Variants in ZNF85 observed in about 807,000 individuals in gnomAD.
The protein encoded by ZNF85 is zinc finger protein 85, also known as zinc finger protein 85 (HPF4, HTF1).
ZNF85 carries 50 observed loss-of-function variants against 53.9 expected under a neutral mutation model. The ratio of observed to expected loss-of-function variants is 0.93; its 90% CI spans 0.74 to 1.17. The LOEUF is 1.17. ZNF85 is among the 50% of genes most tolerant of loss of function. ZNF85 has a pLI of 0.00. For synonymous variants in ZNF85, 225 were observed against 226.1 expected (o/e 1.00, Z 0.04); for missense variants, 747 against 688.5 (o/e 1.08, Z -0.95).
At chr19:20,937,591 G>A (rs987588500) in intron 3 of ZNF85, among the ~76,000 whole-genome samples, 1 of 152,152 alleles carries the variant, frequency 6.6e-6, no homozygotes, top group African/African-American at 2.4e-5. Flanking sequence ...TTCTGCAGTC[G>A]AGTCTGCTAA....
chr19:20,937,796 T>C (rs1568550251), intron 3 of ZNF85, among the ~76,000 whole-genome samples: 1 of 152,166 alleles, frequency 6.6e-6, no homozygotes, highest in African/African-American at 2.4e-5. Flanking sequence ...TCTGCATGTC[T>C]ATAAATTGAT....
chr19:20,943,701 A>G (rs1008926957), intron 3 of ZNF85: 1 of 152,188 alleles, frequency 6.6e-6, no homozygotes, highest in Non-Finnish European at 1.5e-5. Flanking sequence ...CTTGATGTCT[A>G]CAATTATTAT....
At chr19:20,930,893 C>G (rs1973001191) in intron 1 of ZNF85, among the ~76,000 whole-genome samples, 2 of 152,324 alleles carry the variant, frequency 1.3e-5, no homozygotes, top group South Asian at 4.1e-4. Flanking sequence ...CTGCCTCAGC[C>G]TCCCTAGTAG....
chr19:20,927,417 C>T (rs1387841264), intron 1 of ZNF85: 1 of 151,178 alleles, frequency 6.6e-6, no homozygotes, highest in Non-Finnish European at 1.5e-5. Flanking sequence ...CACGCCATTG[C>T]ACTCTAGCCT....
At chr19:20,941,482 T>C (rs112965986) in intron 3 of ZNF85, among the ~76,000 whole-genome samples, 1,815 of 152,230 alleles carry the variant, frequency 0.012, 34 homozygotes, top group African/African-American at 0.035. Flanking sequence ...ATGCTGGTCT[T>C]GAACTCCTGA....
intron 1 of ZNF85, among the ~76,000 whole-genome samples, chr19:20,926,281 C>T (rs1972878176): frequency 6.6e-6 from 1 of 152,048 alleles, no homozygotes; most frequent in Non-Finnish European, 1.5e-5. Context: ...TTTTAAGTTT[C>T]ATGATAAATT....
intron 3 of ZNF85, chr19:20,942,970 C>G (rs1973333810): frequency 5.6e-6 from 3 of 534,040 alleles, no homozygotes; most frequent in Admixed American, 7.4e-5. Context: ...GAGACAGAGT[C>G]TCACTTTGTT....
intron 1 of ZNF85, among the ~76,000 whole-genome samples, chr19:20,926,180 G>C (rs1251013952): frequency 1.3e-5 from 2 of 152,128 alleles, no homozygotes; most frequent in Non-Finnish European, 2.9e-5. Context: ...TAATTGGTGA[G>C]TTACATAGAT....
rs1367957556 is a variant in ZNF85, at chr19:20,949,487, C to G, written c.973C>G (p.Gln325Glu). Residue 325 changes from glutamine to glutamate, a missense_variant, in exon 4 of 4, where the codon CAG (glutamine) becomes GAG (glutamate). Coordinates refer to ENST00000328178, the MANE Select transcript of ZNF85 (RefSeq NM_003429.5). ...KCEECGKAFK[Q>E]SSNLTTHKII... The stretch of plus-strand genomic sequence containing the variant: ...TGAAGAATGTGGCAAAGCCTTTAAG[C>G]AGTCCTCAAACCTTACTACACATAA... 6.2e-7 allele frequency: 1 copy of G among 1,613,160 alleles called. No individual in the cohort carries two copies. Among genetic ancestry groups the G allele is most frequent in the Admixed American group, 1.7e-5 (1 of 59,972 alleles).
chr19:20,927,145 CTT>C (rs1325868788), intron 1 of ZNF85: 1 of 152,118 alleles, frequency 6.6e-6, no homozygotes, highest in African/African-American at 2.4e-5. Flanking sequence ...AAAAAATAAA[CTT>C]AAGTTTGATT....
At chr19:20,926,899 C>T (rs1458130449) in intron 1 of ZNF85, 1 of 151,968 alleles carries the variant, frequency 6.6e-6, no homozygotes, top group Non-Finnish European at 1.5e-5. Context: ...GAAGTACCAA[C>T]TATATCATCT....
chr19:20,934,204 T>A (rs987920094), intron 2 of ZNF85, 54 bp downstream of exon 2: 56 of 1,566,376 alleles, frequency 3.6e-5, no homozygotes, highest in Non-Finnish European at 4.7e-5. Context: ...TTTTATTTCT[T>A]TTATTTGTGG....
At chr19:20,928,928 A>T (rs1209258424) in intron 1 of ZNF85, among the ~76,000 whole-genome samples, 1 of 152,084 alleles carries the variant, frequency 6.6e-6, no homozygotes, top group South Asian at 2.1e-4. Context: ...GGTTTCTTAT[A>T]TAGGTAAAAT....
chr19:20,947,825 G>GT (rs1193167312), intron 3 of ZNF85, among the ~76,000 whole-genome samples: 1 of 150,926 alleles, frequency 6.6e-6, no homozygotes, highest in African/African-American at 2.4e-5. Flanking sequence ...TATTTTTGTT[G>GT]TTATCCTCAT....
At chr19:20,928,010 A>G (rs1028514352) in intron 1 of ZNF85, 3 of 152,110 alleles carry the variant, frequency 2.0e-5, no homozygotes, top group Admixed American at 6.5e-5. Context: ...TTTGTCCTAT[A>G]CATTTCTTTC....
chr19:20,941,655 A>G (rs1415794309), intron 3 of ZNF85, among the ~76,000 whole-genome samples: 1 of 152,238 alleles, frequency 6.6e-6, no homozygotes, highest in African/African-American at 2.4e-5. Context: ...AAATTATTCA[A>G]CTTTATTGTT....
chr19:20,923,837 T>G (rs546180122), intron 1 of ZNF85, among the ~76,000 whole-genome samples: 6 of 152,220 alleles, frequency 3.9e-5, no homozygotes, highest in Admixed American at 3.9e-4. Context: ...ATTTCAGCAC[T>G]TTGGGAAGCC....
rs142868740 is a variant in ZNF85 at position 20,950,272 on chromosome 19, A to G, written c.1758A>G (p.Ile586Met). Residue 586 changes from isoleucine to methionine, a missense_variant, in exon 4 of 4, where the codon ATA becomes ATG. Physicochemically the swap from Ile to Met is conservative, Grantham distance 10. Coordinates refer to ENST00000328178, the MANE Select transcript of ZNF85 (RefSeq NM_003429.5). Reference protein sequence around the residue: ...KWSSVLTKHKIIHTGEKLQI With the variant: ...KWSSVLTKHKMIHTGEKLQI Reference sequence around the variant, plus strand: ...CCTCAGTCCTTACTAAACATAAGATAATTCATACCGGAGAAAAATTACAAA... The same window carrying G: ...CCTCAGTCCTTACTAAACATAAGATGATTCATACCGGAGAAAAATTACAAA... 629 of 1,543,104 alleles carry G rather than the reference A, an allele frequency of 4.1e-4. 2 individuals are homozygous for G. Among genetic ancestry groups the G allele is most frequent in the Middle Eastern group, 1.0e-3 (6 of 5,716 alleles).
chr19:20,934,882 G>A, intron 2 of ZNF85, 67 bp from the exon 3 acceptor site: 2 of 965,620 alleles, frequency 2.1e-6, no homozygotes, highest in South Asian at 1.8e-5. Context: ...TACTAGCTAA[G>A]CACATTACTA....
Sources: gnomAD v4.1 joint callset for allele counts (sites outside exome capture counted in the v4.1 genomes callset) on GRCh38, gnomAD v4.1.1 for gene constraint, MANE v1.5 for transcripts, NCBI Gene and HGNC (gene_info 2026-07-23, HGNC 2026-07-21) for gene names.